Variants in PRKN observed in about 807,000 individuals in gnomAD.
PRKN encodes parkin RBR E3 ubiquitin protein ligase, also known as E3 ubiquitin-protein ligase parkin.
Under a neutral mutation model 59.5 loss-of-function variants are expected in PRKN, and 56 were observed. The ratio of observed to expected loss-of-function variants is 0.94; its 90% CI spans 0.76 to 1.18. PRKN has a LOEUF of 1.18. Among genes scored for constraint, PRKN ranks in the 50% most tolerant of loss-of-function variants. The pLI is 0.00. For synonymous variants in PRKN, 250 were observed against 222.1 expected, an observed-to-expected ratio of 1.13 and a Z score of -1.12; for missense variants, 657 against 596.4, an observed-to-expected ratio of 1.10 and a Z score of -1.06.
rs142316024 is a variant in PRKN at position 162,369,049 on chromosome 6, G to A, written c.171+74261C>T. ...GGTGAGATTTTTGCCCATTTCCTTC[G>A]TTTTCACAGAAAATGAAATAAAGCA... On this transcript the variant is annotated intron_variant, in intron 2 of 11. Coordinates refer to ENST00000366898, the MANE Select transcript of PRKN (RefSeq NM_004562.3). Among the ~76,000 whole-genome samples, 42 of 152,132 alleles carry A rather than the reference G, an allele frequency of 2.8e-4. 1 individual carries two copies. Among genetic ancestry groups the A allele is most frequent in the African/African-American group, 3.9e-4 (16 of 41,488 alleles).
At chr6:162,312,707 C>G (rs1328460259) in intron 2 of PRKN, among the ~76,000 whole-genome samples, 1 of 152,108 alleles carries the variant, frequency 6.6e-6, no homozygotes, top group Non-Finnish European at 1.5e-5. Flanking sequence ...TTGTAGAGGT[C>G]ATAAAGCCTT....
Position 161,348,173 on chromosome 6 carries a change from G to C in PRKN, c.*1926C>G, listed in dbSNP as rs991889545. 1 of 202,130 alleles carries C rather than the reference G, an allele frequency of 4.9e-6. No homozygotes were observed. Among genetic ancestry groups the C allele is most frequent in the African/African-American group, 2.3e-5 (1 of 43,424 alleles). 12.5% of individuals were successfully genotyped at this position (202,130 alleles called of 1,614,324 possible). Reference sequence around the variant, plus strand: ...CACTGTGTGCTCCACGTGACAGAAGGGAGCCACCTGATTTGTCGCATCGGG... The same window carrying C: ...CACTGTGTGCTCCACGTGACAGAAGCGAGCCACCTGATTTGTCGCATCGGG... On this transcript the variant is annotated 3_prime_UTR_variant, in exon 12 of 12. Transcript: ENST00000366898. This position sits in a 1 kb window ranked among gnomAD's most constrained non-coding sequence, Gnocchi z 4.9.
At chr6:161,583,738 T>G (rs1781428588) in intron 7 of PRKN, among the ~76,000 whole-genome samples, 1 of 152,178 alleles carries the variant, frequency 6.6e-6, no homozygotes, top group Non-Finnish European at 1.5e-5. Flanking sequence ...CTGTAACTTG[T>G]TTTTTCCACC....
chr6:162,261,553 G>A (rs1779887986), intron 3 of PRKN, among the ~76,000 whole-genome samples: 1 of 152,040 alleles, frequency 6.6e-6, no homozygotes, highest in South Asian at 2.1e-4. Context: ...CAAGAGTATT[G>A]CAGGGGTTTA....
intron 6 of PRKN, among the ~76,000 whole-genome samples, chr6:161,862,097 G>C (rs9355942): frequency 0.49 from 74,386 of 151,850 alleles, 18,593 homozygotes; most frequent in African/African-American, 0.56. Context: ...ATTGGATTTA[G>C]GGCCCACCCA....
chr6:161,582,413 C>CTATTATTATTAT lies in PRKN; in HGVS notation c.872-13009_872-12998dup, dbSNP rs3032927. Among the ~76,000 whole-genome samples the CTATTATTATTAT allele has an allele frequency of 3.4e-3, 501 of 146,218 alleles. No individual in the cohort carries two copies. Among genetic ancestry groups the CTATTATTATTAT allele is most frequent in the African/African-American group, 0.012 (463 of 39,610 alleles). ...AACTAGGAAAGACTGCATCTGCAGA[C>CTATTATTATTAT]TATTATTATTATTATTATTATTATT... On this transcript the variant is annotated intron_variant, in intron 7 of 11. Transcript: ENST00000366898. This position sits in a 1 kb window ranked among gnomAD's most constrained non-coding sequence, Gnocchi z 4.4.
intron 2 of PRKN, among the ~76,000 whole-genome samples, chr6:162,339,406 C>T (rs973378777): frequency 1.4e-5 from 2 of 147,530 alleles, no homozygotes; most frequent in Admixed American, 1.3e-4. Flanking sequence ...CAGCCCCCCG[C>T]CCGGCCAGCC....
At chr6:162,448,028 A>C (rs1790406310) in intron 1 of PRKN, among the ~76,000 whole-genome samples, 1 of 152,122 alleles carries the variant, frequency 6.6e-6, no homozygotes, top group African/African-American at 2.4e-5. Flanking sequence ...TTGCTGAGAG[A>C]CCCAAAGAAA....
intron 1 of PRKN, among the ~76,000 whole-genome samples, chr6:162,706,542 G>C (rs1433325292): frequency 2.0e-5 from 3 of 152,164 alleles, no homozygotes; most frequent in African/African-American, 7.2e-5. Flanking sequence ...AGTGCAAAAG[G>C]CTGGGCGGCC....
intron 5 of PRKN, among the ~76,000 whole-genome samples, chr6:162,015,910 T>A (rs147766782): frequency 6.6e-6 from 1 of 152,300 alleles, no homozygotes; most frequent in Admixed American, 6.5e-5. Flanking sequence ...AATCAATTTG[T>A]TGTAAATTGA....
intron 6 of PRKN, among the ~76,000 whole-genome samples, chr6:161,811,677 C>G (rs993043128): frequency 3.9e-5 from 6 of 152,164 alleles, no homozygotes; most frequent in Non-Finnish European, 7.3e-5. Context: ...AATCCCAGCA[C>G]TTTGGGAGGC....
At chr6:162,345,696 T>A (rs1784371141) in intron 2 of PRKN, among the ~76,000 whole-genome samples, 1 of 152,216 alleles carries the variant, frequency 6.6e-6, no homozygotes, top group Admixed American at 6.5e-5. Context: ...TTCAGTATGC[T>A]GAATTTTTAT....
At chr6:161,951,974 C>T (rs1780007690) in intron 6 of PRKN, among the ~76,000 whole-genome samples, 1 of 151,586 alleles carries the variant, frequency 6.6e-6, no homozygotes, top group African/African-American at 2.4e-5. Context: ...TCTCCAATGG[C>T]TTCCAAACAC....
At chr6:162,390,396 T>TATATATATATATATATAAACAC (rs1180636201) in intron 2 of PRKN, among the ~76,000 whole-genome samples, 1 of 84,116 alleles carries the variant, frequency 1.2e-5, no homozygotes, top group African/African-American at 4.5e-5. Context: ...TATATATATA[T>TATATATATATATATATAAACAC]ACACACACAC....
At chr6:162,205,421 G>A (rs1042650807) in intron 3 of PRKN, among the ~76,000 whole-genome samples, 2 of 152,000 alleles carry the variant, frequency 1.3e-5, no homozygotes, top group Non-Finnish European at 2.9e-5. Context: ...GGATACTTAG[G>A]AAGAGTCGTT....
At chr6:162,051,418 G>A (rs762821729) in intron 5 of PRKN, among the ~76,000 whole-genome samples, 14 of 152,308 alleles carry the variant, frequency 9.2e-5, no homozygotes, top group South Asian at 2.1e-4. Context: ...CAAAGCCAGC[G>A]TGGGGGACTT....
intron 7 of PRKN, among the ~76,000 whole-genome samples, chr6:161,591,228 T>C (rs1781713580): frequency 6.6e-6 from 1 of 152,198 alleles, no homozygotes; most frequent in Non-Finnish European, 1.5e-5. Flanking sequence ...TTGAAGAATG[T>C]ATGAAAAATT....
At chr6:162,196,164 G>T (rs1784487837) in intron 4 of PRKN, among the ~76,000 whole-genome samples, 1 of 152,178 alleles carries the variant, frequency 6.6e-6, no homozygotes, top group Admixed American at 6.5e-5. Context: ...AAAGAGTACT[G>T]TTAGGATTTA....
intron 2 of PRKN, among the ~76,000 whole-genome samples, chr6:162,302,315 T>C (rs192248936): frequency 0.013 from 2,013 of 150,496 alleles, 51 homozygotes; most frequent in African/African-American, 0.047. Flanking sequence ...TATGTCACTC[T>C]TATTGTTAGG....
Sources: allele counts gnomAD v4.1 joint callset (sites outside exome capture counted in the v4.1 genomes callset), GRCh38; gene constraint gnomAD v4.1.1; non-coding constraint Gnocchi (gnomAD v3.1); transcripts MANE v1.5; gene names NCBI Gene and HGNC (gene_info 2026-07-23, HGNC 2026-07-21).